The following IGHMBP2 variants were observed in gnomAD, a reference collection of about 807,000 sequenced individuals.
The protein encoded by IGHMBP2 is DNA-binding protein SMUBP-2.
A neutral mutation model predicts 96.0 loss-of-function variants in IGHMBP2; 81 were observed. The ratio of observed to expected loss-of-function variants is 0.84; its 90% CI spans 0.71 to 1.01. The LOEUF is 1.01. Ranked by LOEUF, IGHMBP2 falls within the 50% of genes least tolerant of loss-of-function variation. IGHMBP2 has a pLI of 0.00. For synonymous variants in IGHMBP2, 557 were observed against 548.9 expected, an observed-to-expected ratio of 1.01 and a Z score of -0.21; for missense variants, 1,227 against 1,306.3, an observed-to-expected ratio of 0.94 and a Z score of 0.94.
intron 6 of IGHMBP2, among the ~76,000 whole-genome samples, chr11:68,915,283 G>A (rs1189433786): frequency 1.4e-5 from 2 of 144,816 alleles, no homozygotes; most frequent in Non-Finnish European, 3.0e-5. Context: ...GGGTTCAAGC[G>A]ATTCTCCTGC....
intron 13 of IGHMBP2, among the ~76,000 whole-genome samples, 160 bp downstream of exon 13, chr11:68,937,251 C>T (rs745405065): frequency 2.0e-5 from 3 of 152,206 alleles, no homozygotes; most frequent in Non-Finnish European, 4.4e-5. Context: ...CTCCCAGCTC[C>T]GTCTGGGCTC....
At chr11:68,909,840 C>T (rs1258919146) in intron 4 of IGHMBP2, among the ~76,000 whole-genome samples, 1 of 152,058 alleles carries the variant, frequency 6.6e-6, no homozygotes, top group Non-Finnish European at 1.5e-5. Context: ...CCATGTTGGT[C>T]GGGCCGGTCT....
chr11:68,915,027 G>C lies in IGHMBP2; in HGVS notation c.912+4G>C, dbSNP rs758392980. The C allele has an allele frequency of 3.5e-5, 56 of 1,613,328 alleles. No individual in the cohort carries two copies. Among genetic ancestry groups the C allele is most frequent in the South Asian group, 5.5e-5 (5 of 91,066 alleles). ...GAAGGACATCGACCAGGTCTTTGTA[G>C]GTGTCATGGCCAGTGTCCATGTGGG... is the stretch of plus-strand genomic sequence containing the variant. On this transcript the variant is annotated splice_donor_region_variant and intron_variant, in intron 6 of 14. Coordinates refer to ENST00000255078, the MANE Select transcript of IGHMBP2 (RefSeq NM_002180.3).
chr11:68,935,444 C>A, intron 12 of IGHMBP2, 22 bp downstream of exon 12: 3 of 1,613,564 alleles, frequency 1.9e-6, no homozygotes, highest in South Asian at 2.2e-5. Context: ...TCGCCAGAGT[C>A]CTTTGGGGAC....
intron 2 of IGHMBP2, 84 bp downstream of exon 2, chr11:68,906,322 A>G (rs1858193909): frequency 7.1e-7 from 1 of 1,408,724 alleles, no homozygotes; most frequent in African/African-American, 1.4e-5. Flanking sequence ...CTGGATTAAA[A>G]TGACCAGTTG....
At chr11:68,921,464 C>A (rs75759297) in intron 7 of IGHMBP2, among the ~76,000 whole-genome samples, 5,332 of 152,148 alleles carry the variant, frequency 0.035, 313 homozygotes, top group African/African-American at 0.12. Context: ...TTACTTTAGG[C>A]CTTACAGTAT....
At chr11:68,931,141 C>T (rs757052893) in intron 8 of IGHMBP2, among the ~76,000 whole-genome samples, 12 of 152,328 alleles carry the variant, frequency 7.9e-5, no homozygotes, top group Non-Finnish European at 1.6e-4. Flanking sequence ...CGCTGCCATT[C>T]ATGGCCCTGG....
chr11:68,921,219 A>T (rs546797552), intron 7 of IGHMBP2, among the ~76,000 whole-genome samples: 7 of 148,372 alleles, frequency 4.7e-5, no homozygotes, highest in African/African-American at 1.7e-4. Flanking sequence ...ACTATGCCCC[A>T]TGATTGAAGA....
intron 5 of IGHMBP2, among the ~76,000 whole-genome samples, 171 bp from the exon 6 acceptor site, chr11:68,914,652 G>A (rs527767797): frequency 4.3e-4 from 65 of 152,340 alleles, no homozygotes; most frequent in Admixed American, 3.1e-3. Context: ...TTGGGGTACC[G>A]GAAGAATCGG....
Position 68,914,912 on chromosome 11 carries a change from C to T in IGHMBP2, c.801C>T (p.His267=). The change falls in exon 6 of 15, where the codon CAC becomes CAT. Residue 267 remains histidine (H), a synonymous_variant. Coordinates refer to ENST00000255078, the MANE Select transcript of IGHMBP2 (RefSeq NM_002180.3). ...AGCAGCGGATTCTGCGCCTGGGACACCCTGCCCGCCTCCTGGAGTCCATTC... is the reference window on the plus strand; with the variant it reads ...AGCAGCGGATTCTGCGCCTGGGACATCCTGCCCGCCTCCTGGAGTCCATTC... ...LCKQRILRLG[H]PARLLESIQQ... The T allele has an allele frequency of 6.2e-7, 1 of 1,614,196 alleles. No homozygotes were observed. Among genetic ancestry groups the T allele is most frequent in the Non-Finnish European group, 8.5e-7 (1 of 1,180,032 alleles).
Position 68,936,725 on chromosome 11 carries a change from T to C in IGHMBP2, c.2245T>C (p.Ser749Pro). Residue 749 changes from serine (S) to proline (P), a missense_variant, in exon 13 of 15, where the codon TCC (serine) becomes CCC (proline). Around this residue, in one of 3 missense-constraint regions of IGHMBP2, gnomAD observed 703 missense variants for 770.3 expected, o/e 0.91. Coordinates refer to ENST00000255078, the MANE Select transcript of IGHMBP2 (RefSeq NM_002180.3). ...SKKMQLEFPP[S>P]LNSHDRLRVH... Reference sequence around the variant, plus strand: ...GAAGATGCAGTTGGAGTTTCCTCCTTCCCTCAATTCCCACGACAGGCTGCG... The same window carrying C: ...GAAGATGCAGTTGGAGTTTCCTCCTCCCCTCAATTCCCACGACAGGCTGCG... 1 of 1,614,042 alleles carries C rather than the reference T, an allele frequency of 6.2e-7. No individual in the cohort carries two copies. The highest frequency in any genetic ancestry group is 8.5e-7 in the Non-Finnish European group (1 of 1,180,040).
Position 68,936,437 on chromosome 11 carries a change from C to A in IGHMBP2, c.1957C>A (p.His653Asn). 6.2e-7 allele frequency: 1 copy of A among 1,614,124 alleles called. No homozygotes were observed. Among genetic ancestry groups the A allele is most frequent in the Non-Finnish European group, 8.5e-7 (1 of 1,180,018 alleles). ...CGATATTGTCCCAGAAAACTATTCC[C>A]ATGAGAACTCCCAGGGTTCCAGCCA... ...LDDIVPENYS[H>N]ENSQGSSHAA... Residue 653 changes from histidine to asparagine, a missense_variant, in exon 13 of 15, where the codon CAT becomes AAT. By Grantham distance (68) the His-to-Asn change is moderately conservative (BLOSUM62 1). Around this residue, in one of 3 missense-constraint regions of IGHMBP2, gnomAD observed 703 missense variants for 770.3 expected, o/e 0.91. Coordinates refer to ENST00000255078, the MANE Select transcript of IGHMBP2 (RefSeq NM_002180.3).
At chr11:68,919,207 C>A (rs1266494752) in intron 7 of IGHMBP2, among the ~76,000 whole-genome samples, 2 of 148,904 alleles carry the variant, frequency 1.3e-5, no homozygotes, top group Admixed American at 1.3e-4. Context: ...CCGTCCCCGT[C>A]CTGTGTGGGA....
intron 5 of IGHMBP2, 60 bp from the exon 6 acceptor site, chr11:68,914,763 T>G: frequency 6.4e-7 from 1 of 1,557,100 alleles, no homozygotes; most frequent in Non-Finnish European, 8.9e-7. Flanking sequence ...GTTGTTTTAG[T>G]GTCAACTTCA....
At chr11:68,922,176 G>A (rs907202739) in intron 7 of IGHMBP2, among the ~76,000 whole-genome samples, 11 of 151,898 alleles carry the variant, frequency 7.2e-5, no homozygotes, top group Non-Finnish European at 1.3e-4. Flanking sequence ...AAATTAGCAG[G>A]GTGTGGTGGT....
In IGHMBP2 at chr11:68,939,993, C is replaced by A; in HGVS notation, c.*262C>A. On this transcript the variant is annotated 3_prime_UTR_variant, in exon 15 of 15. Transcript: ENST00000255078. ...ATGCACGTCCCTTCCCCTTACTCCC[C>A]GCCAAAACCCACATCCCAGCCTCTG... The A allele has an allele frequency of 2.0e-6, 1 of 504,156 alleles. No homozygotes were observed. The allele number at this position is 504,156 out of a possible 1,614,324, so 31.2% of individuals were successfully genotyped here.
chr11:68,918,847 G>T (rs1347232486), intron 7 of IGHMBP2, among the ~76,000 whole-genome samples: 1 of 152,130 alleles, frequency 6.6e-6, no homozygotes, highest in Non-Finnish European at 1.5e-5. Context: ...ACCAGCTTTT[G>T]CTTTTTCTCT....
chr11:68,924,705 G>A (rs1171055326), intron 7 of IGHMBP2, among the ~76,000 whole-genome samples: 1 of 152,222 alleles, frequency 6.6e-6, no homozygotes, highest in Non-Finnish European at 1.5e-5. Flanking sequence ...ATCGTCTTAT[G>A]TAATGTTATC....
chr11:68,935,747 G>A (rs928918247), intron 12 of IGHMBP2, among the ~76,000 whole-genome samples: 2 of 152,206 alleles, frequency 1.3e-5, no homozygotes, highest in South Asian at 2.1e-4. Context: ...GCACGGAGCC[G>A]CGGGGTGTGG....
Sources: gnomAD v4.1 joint callset for allele counts (sites outside exome capture counted in the v4.1 genomes callset) on GRCh38, gnomAD v4.1.1 for gene constraint, gnomAD v4.1.1 regional missense constraint, MANE v1.5 for transcripts, NCBI Gene and HGNC (gene_info 2026-07-23, HGNC 2026-07-21) for gene names.